Variants in IL1RAPL1 observed in about 807,000 individuals in gnomAD.
IL1RAPL1 encodes interleukin-1 receptor accessory protein-like 1.
A neutral mutation model predicts 48.4 loss-of-function variants in IL1RAPL1; 3 were observed. The ratio of observed to expected loss-of-function variants is 0.06; its 90% CI spans 0.03 to 0.16. The LOEUF (loss-of-function observed/expected upper bound fraction) is 0.16. Ranked by LOEUF, IL1RAPL1 falls within the 10% of genes least tolerant of loss-of-function variation. IL1RAPL1 has a pLI of 1.00. For missense variants in IL1RAPL1, 349 were observed against 530.6 expected, an observed-to-expected ratio of 0.66 and a Z score of 3.36; for synonymous variants, 185 against 187.7, an observed-to-expected ratio of 0.99 and a Z score of 0.12.
At chrX:29,576,217 G>T (rs1053923831) in intron 5 of IL1RAPL1, among the ~76,000 whole-genome samples, 3 of 111,720 alleles carry the variant, frequency 2.7e-5, no homozygotes, top group South Asian at 3.8e-4. Flanking sequence ...GATCTTTGAG[G>T]TTAGGGTCCT....
intron 5 of IL1RAPL1, among the ~76,000 whole-genome samples, chrX:29,638,052 C>G (rs941232924): frequency 2.7e-5 from 3 of 111,499 alleles, no homozygotes; most frequent in African/African-American, 9.8e-5. Context: ...TGGAGATACA[C>G]CAGACAATCT....
intron 2 of IL1RAPL1, among the ~76,000 whole-genome samples, chrX:28,802,429 G>A (rs1395461349): frequency 8.9e-6 from 1 of 111,929 alleles, no homozygotes; most frequent in African/African-American, 3.2e-5. Flanking sequence ...AATCTCTGAG[G>A]GTTATATATA....
chrX:29,162,767 A>G (rs1375354112), intron 2 of IL1RAPL1, among the ~76,000 whole-genome samples: 1 of 111,095 alleles, frequency 9.0e-6, no homozygotes, highest in African/African-American at 3.3e-5. Flanking sequence ...GGAGGCAGCA[A>G]TATGGTAATA....
intron 2 of IL1RAPL1, among the ~76,000 whole-genome samples, chrX:28,947,194 A>ATGTG (rs939694762): frequency 9.0e-6 from 1 of 111,622 alleles, no homozygotes; most frequent in Non-Finnish European, 1.9e-5. Flanking sequence ...ATGCTAAAAG[A>ATGTG]TGTGTGTGTA....
intron 5 of IL1RAPL1, among the ~76,000 whole-genome samples, chrX:29,418,621 G>C (rs1456293749): frequency 1.8e-5 from 2 of 110,855 alleles, no homozygotes; most frequent in Non-Finnish European, 3.8e-5. Flanking sequence ...GTCAATAATA[G>C]TTATCAGCAC....
intron 1 of IL1RAPL1, among the ~76,000 whole-genome samples, chrX:28,727,907 C>A (rs1271058229): frequency 9.5e-6 from 1 of 104,999 alleles, no homozygotes; most frequent in Non-Finnish European, 1.9e-5. Flanking sequence ...ACATCACACT[C>A]TGGGGACTGT....
At chrX:29,534,301 A>G (rs1435220185) in intron 5 of IL1RAPL1, among the ~76,000 whole-genome samples, 1 of 111,933 alleles carries the variant, frequency 8.9e-6, no homozygotes, top group Non-Finnish European at 1.9e-5. Flanking sequence ...AAGAACAGTG[A>G]CATTTAACAT....
intron 2 of IL1RAPL1, among the ~76,000 whole-genome samples, chrX:28,878,073 G>T (rs948914009): frequency 8.9e-6 from 1 of 112,001 alleles, no homozygotes; most frequent in Admixed American, 9.5e-5. Context: ...TATTCAAAAG[G>T]ATTATTTTAA....
intron 3 of IL1RAPL1, among the ~76,000 whole-genome samples, chrX:29,394,498 A>G (rs1246326405): frequency 1.8e-5 from 2 of 112,042 alleles, no homozygotes; most frequent in Non-Finnish European, 3.8e-5. Context: ...CTTTGTGCAA[A>G]CCGTTACCTC....
chrX:29,156,154 A>T (rs994725600), intron 2 of IL1RAPL1, among the ~76,000 whole-genome samples: 1 of 111,772 alleles, frequency 8.9e-6, no homozygotes, highest in Non-Finnish European at 1.9e-5. Flanking sequence ...CTAGCATTTG[A>T]CAAAGGAAAA....
At chrX:28,939,519 A>G (rs1452445102) in intron 2 of IL1RAPL1, among the ~76,000 whole-genome samples, 1 of 110,461 alleles carries the variant, frequency 9.1e-6, no homozygotes, top group African/African-American at 3.3e-5. Flanking sequence ...CAACAGACAC[A>G]GGGGCCTACT....
chrX:28,693,780 T>C (rs895193322), intron 1 of IL1RAPL1, among the ~76,000 whole-genome samples: 11 of 111,713 alleles, frequency 9.8e-5, no homozygotes, highest in African/African-American at 3.6e-4. Context: ...TTTAGACCCT[T>C]TATTTGTCAG....
intron 3 of IL1RAPL1, chrX:29,369,471 G>A (rs1013238613): frequency 8.9e-6 from 1 of 111,818 alleles, no homozygotes; most frequent in South Asian, 3.8e-4. Flanking sequence ...CCAGCATGGG[G>A]TTTGAACCAC....
At chrX:29,906,743 G>T (rs1361047572) in intron 6 of IL1RAPL1, among the ~76,000 whole-genome samples, 3 of 107,030 alleles carry the variant, frequency 2.8e-5, no homozygotes, top group African/African-American at 1.0e-4. Flanking sequence ...AAATTCCAAG[G>T]TAAAAACAAA....
chrX:29,129,286 C>T (rs1928967103), intron 2 of IL1RAPL1, among the ~76,000 whole-genome samples: 1 of 110,457 alleles, frequency 9.1e-6, no homozygotes, highest in Admixed American at 9.7e-5. Context: ...CAGGTGATCC[C>T]CCTGCCTCGG....
chrX:29,781,495 A>G (rs1207486457), intron 6 of IL1RAPL1, among the ~76,000 whole-genome samples: 1 of 112,090 alleles, frequency 8.9e-6, no homozygotes. Flanking sequence ...CTACAGTTGA[A>G]CAGTGGTAAC....
intron 3 of IL1RAPL1, among the ~76,000 whole-genome samples, chrX:29,323,629 A>G (rs1419967566): frequency 4.4e-5 from 4 of 91,064 alleles, no homozygotes; most frequent in African/African-American, 1.7e-4. Context: ...TCCATCTCCA[A>G]CCCTTGCATT....
At chrX:29,890,526 T>G (rs943280834) in intron 6 of IL1RAPL1, among the ~76,000 whole-genome samples, 4 of 112,011 alleles carry the variant, frequency 3.6e-5, no homozygotes, top group Non-Finnish European at 7.5e-5. Context: ...TCCTACTATT[T>G]CCATCAAATT....
Position 29,031,116 on chromosome X carries a change from G to A in IL1RAPL1, c.82+241691G>A, listed in dbSNP as rs144233288. 5.8e-3 allele frequency among the ~76,000 whole-genome samples: 645 copies of A among 112,044 alleles called. 14 individuals are homozygous for A. Among genetic ancestry groups the A allele is most frequent in the East Asian group, 0.048 (170 of 3,553 alleles). ...TTAGTGGTTTACTTTTGATGAAGGT[G>A]ATAGCATATTCTTCATGAAATAACT... On this transcript the variant is annotated intron_variant, in intron 2 of 10. Transcript: ENST00000378993.
Sources: allele counts gnomAD v4.1 joint callset (sites outside exome capture counted in the v4.1 genomes callset), GRCh38; gene constraint gnomAD v4.1.1; transcripts MANE v1.5; gene names NCBI Gene and HGNC (gene_info 2026-07-23, HGNC 2026-07-21).